The following USB1 variants were observed in gnomAD, a reference collection of about 807,000 sequenced individuals.
The protein encoded by USB1 is U6 snRNA phosphodiesterase 1.
In USB1, 21 loss-of-function variants were observed where a neutral mutation model predicts 29.9. That is an observed-to-expected ratio of 0.70 (90% CI 0.50 to 1.01). USB1 has a LOEUF of 1.01. Ranked by LOEUF, USB1 falls within the 50% of genes least tolerant of loss-of-function variation. USB1 has a pLI of 0.00. For missense variants in USB1, 330 were observed against 347.1 expected, an observed-to-expected ratio of 0.95 and a Z score of 0.39; for synonymous variants, 143 against 134.9, an observed-to-expected ratio of 1.06 and a Z score of -0.42.
intron 1 of USB1, among the ~76,000 whole-genome samples, chr16:58,002,193 A>C (rs1963230574): frequency 6.6e-6 from 1 of 152,202 alleles, no homozygotes; most frequent in Admixed American, 6.5e-5. Flanking sequence ...ATAGAGCTAG[A>C]AAGTGCTACT....
intron 3 of USB1, chr16:58,011,702 A>C: frequency 2.0e-6 from 2 of 987,170 alleles, no homozygotes; most frequent in Non-Finnish European, 2.4e-6. Context: ...GTGGTTCTTT[A>C]CCCCTGGTGG....
At chr16:58,000,457 C>T (rs1963148049), upstream of USB1, 1 of 150,098 alleles carries the variant, frequency 6.7e-6, no homozygotes, top group Non-Finnish European at 1.5e-5. This position sits in a 1 kb window ranked among gnomAD's most constrained non-coding sequence, Gnocchi z 4.5. Flanking sequence ...GCTGCTCTCT[C>T]GGCCGCCCCT....
At chr16:58,015,178 T>C (rs1237007421) in intron 4 of USB1, 2 of 151,992 alleles carry the variant, frequency 1.3e-5, no homozygotes, top group Admixed American at 6.6e-5. Flanking sequence ...AGCATCTTGG[T>C]TTAGTGAAAA....
In USB1 at chr16:58,001,584, G is replaced by A. The variant is rs764990301; in HGVS notation, c.98+3G>A. 2.5e-6 allele frequency: 4 copies of A among 1,602,788 alleles called. No homozygotes were observed. In the Admixed American group the frequency reaches 6.8e-5, roughly 27 times the overall value. On this transcript the variant is annotated splice_donor_region_variant and intron_variant, in intron 1 of 6. Coordinates refer to ENST00000219281, the MANE Select transcript of USB1 (RefSeq NM_024598.4). ...CCGGGGGATGGGAGCCACCGTCGGT[G>A]AGGAGTGAGGAAGTCTCTCCGGAGG...
At chr16:58,012,366 C>G in intron 3 of USB1, 3 of 1,516,618 alleles carry the variant, frequency 2.0e-6, no homozygotes, top group Non-Finnish European at 2.7e-6. Flanking sequence ...TGGCTTAAAC[C>G]AAAGAGAAAT....
chr16:58,014,418 T>C (rs1393521616), intron 4 of USB1, 92 bp downstream of exon 4: 1 of 1,181,134 alleles, frequency 8.5e-7, no homozygotes. Context: ...GTCCCATTTT[T>C]TGTTTGCTTT....
rs937937857 is a variant in USB1 at position 58,021,583 on chromosome 16, T to C, written c.*1338T>C. 4 of 152,280 alleles carry C rather than the reference T, an allele frequency of 2.6e-5. No homozygotes were observed. Among genetic ancestry groups the C allele is most frequent in the East Asian group, 1.9e-4 (1 of 5,206 alleles). 9.4% of individuals were successfully genotyped at this position (152,280 alleles called of 1,614,324 possible). A position where few individuals can be genotyped will look rare whatever the true frequency, so the allele number is the denominator to read the frequency against. Reference sequence around the variant, plus strand: ...GAAATCTTTTTACAGTTTCAAATTATGTTCAACAAATAAAAATTGCATTTT... The same window carrying C: ...GAAATCTTTTTACAGTTTCAAATTACGTTCAACAAATAAAAATTGCATTTT... On this transcript the variant is annotated 3_prime_UTR_variant, in exon 7 of 7. Transcript: ENST00000219281.
chr16:58,014,219 T>C, intron 3 of USB1, 54 bp from the exon 4 acceptor site: 1 of 1,458,678 alleles, frequency 6.9e-7, no homozygotes, highest in East Asian at 2.3e-5. Flanking sequence ...ATAAGCTATT[T>C]TTTCTGCTTT....
In USB1 at chr16:58,002,471, T is replaced by A. The variant is rs1452076652; in HGVS notation, c.99-8T>A. 1 of 1,613,702 alleles carries A rather than the reference T, an allele frequency of 6.2e-7. No homozygotes were observed. Among genetic ancestry groups the A allele is most frequent in the Admixed American group, 1.7e-5 (1 of 60,016 alleles). On this transcript the variant is annotated splice_region_variant and splice_polypyrimidine_tract_variant and intron_variant, in intron 1 of 6. Transcript: ENST00000219281. Reference sequence around the variant, plus strand: ...AAATGTACTCATTTTTCTTTTTTTCTTTTGCAGTGGCCAGAGCCCCCTTCC... The same window carrying A: ...AAATGTACTCATTTTTCTTTTTTTCATTTGCAGTGGCCAGAGCCCCCTTCC...
chr16:58,013,051 G>C lies in USB1; in HGVS notation c.450-1222G>C. The C allele has an allele frequency of 8.1e-6, 8 of 985,550 alleles. No individual in the cohort carries two copies. Among genetic ancestry groups the C allele is most frequent in the Non-Finnish European group, 9.6e-6 (8 of 830,066 alleles). The allele number at this position is 985,550 out of a possible 1,614,324, so 61.1% of individuals were successfully genotyped here. ...TCATGAGTGAAGCCCGGGCAGGTGTGGTCTGTTCAACTTTGATCATCTGGT... is the reference window on the plus strand; with the variant it reads ...TCATGAGTGAAGCCCGGGCAGGTGTCGTCTGTTCAACTTTGATCATCTGGT... On this transcript the variant is annotated intron_variant, in intron 3 of 6. Coordinates refer to ENST00000219281, the MANE Select transcript of USB1 (RefSeq NM_024598.4). This position sits in a 1 kb window ranked among gnomAD's most constrained non-coding sequence, Gnocchi z 4.3.
intron 2 of USB1, 26 bp downstream of exon 2, chr16:58,002,671 G>A: frequency 2.5e-6 from 4 of 1,613,372 alleles, no homozygotes; most frequent in Non-Finnish European, 3.4e-6. Context: ...AAGGCAAGTT[G>A]CCAAGACCCA....
Position 58,011,079 on chromosome 16 carries a change from C to T in USB1, c.449+967C>T, listed in dbSNP as rs1338122709. 3.3e-6 allele frequency: 3 copies of T among 913,850 alleles called. No individual in the cohort carries two copies. The Admixed American group carries it at 6.0e-5, about 18-fold the overall frequency. The allele number at this position is 913,850 out of a possible 1,614,324, so 56.6% of individuals were successfully genotyped here. ...AGATGCCCCTGTCACCCAGGAAATT[C>T]CAAAGGATTTAGGAGCTCTGCGTCA... On this transcript the variant is annotated intron_variant, in intron 3 of 6. Coordinates refer to ENST00000219281, the MANE Select transcript of USB1 (RefSeq NM_024598.4).
intron 2 of USB1, among the ~76,000 whole-genome samples, chr16:58,008,429 T>C (rs1963409901): frequency 6.6e-6 from 1 of 151,678 alleles, no homozygotes; most frequent in South Asian, 2.1e-4. Flanking sequence ...ACTCAGATGA[T>C]TGACTTTAGA....
intron 3 of USB1, chr16:58,012,090 G>T: frequency 7.3e-7 from 1 of 1,375,482 alleles, no homozygotes; most frequent in Non-Finnish European, 9.4e-7. Flanking sequence ...CACAGTTCAG[G>T]GGGCCATAGG....
chr16:58,005,705 G>A (rs988290222), intron 2 of USB1, among the ~76,000 whole-genome samples: 7 of 151,922 alleles, frequency 4.6e-5, no homozygotes, highest in East Asian at 1.9e-4. Flanking sequence ...TCGTGCCCTC[G>A]GTCTCTTGCC....
chr16:58,020,279 C>T lies in USB1; in HGVS notation c.*34C>T, dbSNP rs1370104217. ...GGCCTTCCTCCTCCAGGGCCCTCTG[C>T]AGACCAGGCTGAGATGGAGGAACCT... is the stretch of plus-strand genomic sequence containing the variant. On this transcript the variant is annotated 3_prime_UTR_variant, in exon 7 of 7. Transcript: ENST00000219281. The T allele has an allele frequency of 2.5e-6, 4 of 1,599,234 alleles. No homozygotes were observed. Among genetic ancestry groups the T allele is most frequent in the Non-Finnish European group, 3.4e-6 (4 of 1,166,836 alleles).
At chr16:58,011,100 C>T (rs528244148) in intron 3 of USB1, 11 of 1,050,470 alleles carry the variant, frequency 1.0e-5, no homozygotes, top group African/African-American at 1.6e-5. Context: ...AGGAGCTCTG[C>T]GTCAGGAGCC....
rs1451121607 is a variant in USB1 at position 58,020,065 on chromosome 16, C to T, written c.694-76C>T. 2.8e-6 allele frequency: 4 copies of T among 1,442,094 alleles called. No homozygotes were observed. The East Asian group carries it at 6.9e-5, about 25-fold the overall frequency. The allele number at this position is 1,442,094 out of a possible 1,614,324, so 89.3% of individuals were successfully genotyped here. A position where few individuals can be genotyped will look rare whatever the true frequency, so the allele number is the denominator to read the frequency against. On this transcript the variant is annotated intron_variant, in intron 6 of 6. Coordinates refer to ENST00000219281, the MANE Select transcript of USB1 (RefSeq NM_024598.4). Reference sequence around the variant, plus strand: ...CGCCCAGCCTCTGAAGTTGGGTGAGCTGGTTTTGTTTGCAGTGCCCTGTGG... The same window carrying T: ...CGCCCAGCCTCTGAAGTTGGGTGAGTTGGTTTTGTTTGCAGTGCCCTGTGG...
intron 1 of USB1, among the ~76,000 whole-genome samples, chr16:58,002,118 G>A (rs994124070): frequency 6.6e-6 from 1 of 152,202 alleles, no homozygotes. Flanking sequence ...TGCTCTATCA[G>A]GTAGACATAT....
Sources: allele counts gnomAD v4.1 joint callset (sites outside exome capture counted in the v4.1 genomes callset), GRCh38; gene constraint gnomAD v4.1.1; non-coding constraint Gnocchi (gnomAD v3.1); transcripts MANE v1.5; gene names NCBI Gene and HGNC (gene_info 2026-07-23, HGNC 2026-07-21).